Variants in GRID2 observed in about 807,000 individuals in gnomAD.
The protein encoded by GRID2 is glutamate ionotropic receptor delta type subunit 2.
GRID2 carries 33 observed loss-of-function variants against 114.8 expected under a neutral mutation model. The observed-to-expected ratio is 0.29, with a 90% confidence interval of 0.22 to 0.38. GRID2 has a LOEUF of 0.38. Among genes scored for constraint, GRID2 ranks in the 10% least tolerant of loss-of-function variants. The pLI, the probability that GRID2 is intolerant of heterozygous loss-of-function variation, is 1.00. For synonymous variants in GRID2, 505 were observed against 449.9 expected, an observed-to-expected ratio of 1.12 and a Z score of -1.55; for missense variants, 1,184 against 1,257.7, an observed-to-expected ratio of 0.94 and a Z score of 0.89.
chr4:92,327,218 G>T (rs954166085), intron 1 of GRID2, among the ~76,000 whole-genome samples: 7 of 151,872 alleles, frequency 4.6e-5, no homozygotes, highest in African/African-American at 1.7e-4. Flanking sequence ...TCACTAATAG[G>T]CTCAGTGTCT....
chr4:93,191,857 C>T (rs1741010187), intron 4 of GRID2, among the ~76,000 whole-genome samples: 1 of 152,138 alleles, frequency 6.6e-6, no homozygotes, highest in Admixed American at 6.5e-5. Context: ...AAAAACATTT[C>T]AAGAAAATTT....
intron 2 of GRID2, among the ~76,000 whole-genome samples, chr4:92,830,948 A>T (rs1742060179): frequency 6.6e-6 from 1 of 152,110 alleles, no homozygotes; most frequent in African/African-American, 2.4e-5. Flanking sequence ...TGTCTTTCTC[A>T]GGAGGAGATA....
At chr4:93,428,824 G>A (rs1379340212) in intron 10 of GRID2, among the ~76,000 whole-genome samples, 5 of 152,030 alleles carry the variant, frequency 3.3e-5, no homozygotes, top group African/African-American at 4.8e-5. Flanking sequence ...TGTCAGTGCC[G>A]ACGCCCACTC....
intron 13 of GRID2, among the ~76,000 whole-genome samples, chr4:93,524,506 T>G (rs1216058258): frequency 6.6e-6 from 1 of 151,984 alleles, no homozygotes; most frequent in Non-Finnish European, 1.5e-5. Context: ...TAGAGTTGGA[T>G]TTTTTTAAAT....
chr4:92,702,055 C>A (rs1413110987), intron 2 of GRID2, among the ~76,000 whole-genome samples: 2 of 152,100 alleles, frequency 1.3e-5, no homozygotes, highest in Non-Finnish European at 2.9e-5. Context: ...AATGGTGTAG[C>A]TGCTATCAAG....
chr4:93,614,576 A>T (rs1741391395), intron 13 of GRID2, among the ~76,000 whole-genome samples: 3 of 152,114 alleles, frequency 2.0e-5, no homozygotes, highest in Non-Finnish European at 4.4e-5. Context: ...TGTATTATTT[A>T]TTTTTATTAC....
chr4:93,614,503 T>C (rs916005885), intron 13 of GRID2, among the ~76,000 whole-genome samples: 1 of 152,172 alleles, frequency 6.6e-6, no homozygotes, highest in Non-Finnish European at 1.5e-5. Context: ...AATAATTATA[T>C]ATGTTTTATT....
At chr4:92,972,186 G>A (rs926147048) in intron 2 of GRID2, among the ~76,000 whole-genome samples, 4 of 149,812 alleles carry the variant, frequency 2.7e-5, no homozygotes, top group Non-Finnish European at 4.4e-5. Context: ...TTCTCTTTTC[G>A]CTTCACCTTT....
intron 8 of GRID2, among the ~76,000 whole-genome samples, chr4:93,296,052 C>T (rs887222043): frequency 6.6e-6 from 1 of 152,130 alleles, no homozygotes; most frequent in Admixed American, 6.6e-5. Flanking sequence ...TATGCTTTCA[C>T]AGTTCTGGAG....
At chr4:92,871,607 C>A (rs767564542) in intron 2 of GRID2, among the ~76,000 whole-genome samples, 18 of 152,102 alleles carry the variant, frequency 1.2e-4, no homozygotes, top group Non-Finnish European at 2.2e-4. Context: ...AGTCAAGGAG[C>A]AGGGAAGAGG....
rs138851691 is a variant in GRID2 at position 92,315,415 on chromosome 4, C to G, written c.88+10671C>G. On this transcript the variant is annotated intron_variant, in intron 1 of 15. Coordinates refer to ENST00000282020, the MANE Select transcript of GRID2 (RefSeq NM_001510.4). ...AAGCAAATTGTGTTCTGGCTGGAGC[C>G]TAGGAACTTAATTGATGAAATACAG... is the stretch of plus-strand genomic sequence containing the variant. Among the ~76,000 whole-genome samples the G allele has an allele frequency of 9.2e-5, 14 of 152,150 alleles. No individual in the cohort carries two copies. In the East Asian group the frequency reaches 2.1e-3, roughly 23 times the overall value.
intron 2 of GRID2, among the ~76,000 whole-genome samples, chr4:92,743,767 A>G (rs1268565019): frequency 6.6e-6 from 1 of 152,186 alleles, no homozygotes; most frequent in Non-Finnish European, 1.5e-5. Context: ...TTCAGGGGCT[A>G]CTTGTATCTC....
chr4:93,259,862 A>G (rs1462059674), intron 8 of GRID2, among the ~76,000 whole-genome samples: 1 of 151,760 alleles, frequency 6.6e-6, no homozygotes, highest in Non-Finnish European at 1.5e-5. Context: ...GATAGGGGGC[A>G]TGTGTTAAAA....
chr4:93,161,722 T>G (rs1290397512), intron 4 of GRID2, among the ~76,000 whole-genome samples: 1 of 151,810 alleles, frequency 6.6e-6, no homozygotes, highest in African/African-American at 2.4e-5. Flanking sequence ...AACTATCATC[T>G]CCAATTCCAG....
chr4:92,726,358 C>T (rs1736069400), intron 2 of GRID2, among the ~76,000 whole-genome samples: 1 of 152,094 alleles, frequency 6.6e-6, no homozygotes, highest in Non-Finnish European at 1.5e-5. Flanking sequence ...GCTGCAACGT[C>T]ACTCAGACTA....
At chr4:92,632,693 T>TGAAGAAAGGGAAGGAAGGGAAGGAGG (rs1730866580) in intron 2 of GRID2, among the ~76,000 whole-genome samples, 1 of 133,392 alleles carries the variant, frequency 7.5e-6, no homozygotes, top group African/African-American at 2.8e-5. Flanking sequence ...AGGGAAGAAG[T>TGAAGAAAGGGAAGGAAGGGAAGGAGG]GAAGAAAGGG....
intron 1 of GRID2, among the ~76,000 whole-genome samples, chr4:92,414,746 T>G (rs76691498): frequency 6.6e-6 from 1 of 152,172 alleles, no homozygotes; most frequent in Non-Finnish European, 1.5e-5. Context: ...TGAAGGTTTT[T>G]TTATATTTAG....
chr4:93,023,573 A>T (rs975813581), intron 2 of GRID2, among the ~76,000 whole-genome samples: 1 of 151,932 alleles, frequency 6.6e-6, no homozygotes, highest in African/African-American at 2.4e-5. Flanking sequence ...TTTAAAAGAG[A>T]AATAAGCAAT....
At chr4:93,025,668 T>G (rs1426322197) in intron 2 of GRID2, among the ~76,000 whole-genome samples, 1 of 151,734 alleles carries the variant, frequency 6.6e-6, no homozygotes, top group African/African-American at 2.4e-5. Context: ...CAAACTTCCT[T>G]CCTTGCAGTA....
Sources: gnomAD v4.1 joint callset for allele counts (sites outside exome capture counted in the v4.1 genomes callset) on GRCh38, gnomAD v4.1.1 for gene constraint, MANE v1.5 for transcripts, NCBI Gene and HGNC (gene_info 2026-07-23, HGNC 2026-07-21) for gene names.